The following USH2A variants were observed in gnomAD, a reference collection of about 807,000 sequenced individuals.
USH2A encodes the protein Usher syndrome 2A (autosomal recessive, mild).
Under a neutral mutation model 538.9 loss-of-function variants are expected in USH2A, and 443 were observed. The ratio of observed to expected loss-of-function variants is 0.82; its 90% CI spans 0.76 to 0.89. USH2A has a LOEUF of 0.89. Ranked by LOEUF, USH2A falls within the 40% of genes least tolerant of loss-of-function variation. The probability of loss-of-function intolerance (pLI) is 0.00; values close to 1 mark genes in which losing one functional copy is unlikely to be tolerated. For missense variants in USH2A, 6,633 were observed against 6,324.8 expected (o/e 1.05, Z -1.65); for synonymous variants, 2,413 against 2,273.5 (o/e 1.06, Z -1.75).
chr1:216,135,712 T>C (rs1321584667), intron 21 of USH2A, among the ~76,000 whole-genome samples: 2 of 152,146 alleles, frequency 1.3e-5, no homozygotes, highest in African/African-American at 2.4e-5. Flanking sequence ...TTGGTATGTA[T>C]TCAATGATGT....
chr1:215,823,685 T>C (rs536975184), intron 47 of USH2A, among the ~76,000 whole-genome samples: 1 of 152,046 alleles, frequency 6.6e-6, no homozygotes, highest in South Asian at 2.1e-4. Flanking sequence ...GATTTTGTCT[T>C]TTCAGGTAGT....
At chr1:215,964,156 C>T (rs1260324475) in intron 37 of USH2A, among the ~76,000 whole-genome samples, 7 of 152,226 alleles carry the variant, frequency 4.6e-5, no homozygotes, top group African/African-American at 1.7e-4. Flanking sequence ...GAATATGGCT[C>T]TTGCATTATT....
intron 3 of USH2A, among the ~76,000 whole-genome samples, chr1:216,392,991 G>C (rs2039136779): frequency 6.6e-6 from 1 of 152,022 alleles, no homozygotes; most frequent in Admixed American, 6.6e-5. Flanking sequence ...ACTATCTTCT[G>C]TAACCTCAAG....
intron 55 of USH2A, among the ~76,000 whole-genome samples, chr1:215,771,173 G>C (rs1661273365): frequency 6.6e-6 from 1 of 151,526 alleles, no homozygotes; most frequent in Non-Finnish European, 1.5e-5. Context: ...GCCAAGGTTG[G>C]AACTTGGGCA....
chr1:216,419,699 C>CA (rs2039643059), intron 2 of USH2A, among the ~76,000 whole-genome samples: 1 of 151,982 alleles, frequency 6.6e-6, no homozygotes, highest in African/African-American at 2.4e-5. Context: ...AGTAGTCTCT[C>CA]AAAAAATGAT....
At chr1:215,925,435 G>A (rs977167582) in intron 38 of USH2A, among the ~76,000 whole-genome samples, 1 of 152,256 alleles carries the variant, frequency 6.6e-6, no homozygotes, top group East Asian at 1.9e-4. Flanking sequence ...ATACACAGAA[G>A]TAAAACATTA....
At chr1:215,636,522 T>C in intron 69 of USH2A, among the ~76,000 whole-genome samples, 1 of 152,182 alleles carries the variant, frequency 6.6e-6, no homozygotes, top group Non-Finnish European at 1.5e-5. Context: ...CAAACCAGCC[T>C]AGGTTGCACA....
chr1:216,236,664 G>T (rs977538631), intron 13 of USH2A, among the ~76,000 whole-genome samples: 3 of 152,100 alleles, frequency 2.0e-5, no homozygotes, highest in African/African-American at 7.2e-5. Flanking sequence ...AGAGTGGTTG[G>T]TCAGAGTGGC....
intron 14 of USH2A, among the ~76,000 whole-genome samples, chr1:216,229,880 A>T (rs2035642309): frequency 6.6e-6 from 1 of 152,118 alleles, no homozygotes; most frequent in Non-Finnish European, 1.5e-5. Flanking sequence ...AGAATGGGGT[A>T]AAAGGCTCAG....
At chr1:215,829,278 A>G (rs948868448) in intron 47 of USH2A, among the ~76,000 whole-genome samples, 1 of 152,190 alleles carries the variant, frequency 6.6e-6, no homozygotes, top group Non-Finnish European at 1.5e-5. Context: ...ATATAAGAGG[A>G]AAAACATGCA....
chr1:215,924,634 G>A (rs936563722), intron 38 of USH2A, among the ~76,000 whole-genome samples: 1 of 149,664 alleles, frequency 6.7e-6, no homozygotes, highest in African/African-American at 2.5e-5. Flanking sequence ...TAAAGTTATG[G>A]ATAAAGCCGT....
chr1:215,857,954 C>T (rs2102431958), intron 44 of USH2A, among the ~76,000 whole-genome samples: 1 of 152,260 alleles, frequency 6.6e-6, no homozygotes, highest in South Asian at 2.1e-4. Flanking sequence ...CTGGTGTCCC[C>T]TTGGCCAAGT....
At chr1:215,982,829 TA>T (rs1667780799) in intron 35 of USH2A, among the ~76,000 whole-genome samples, 1 of 152,214 alleles carries the variant, frequency 6.6e-6, no homozygotes, top group South Asian at 2.1e-4. Flanking sequence ...GTTTACTTTT[TA>T]AAAATCAGAT....
intron 21 of USH2A, among the ~76,000 whole-genome samples, chr1:216,164,427 A>G (rs2034126736): frequency 6.6e-6 from 1 of 152,178 alleles, no homozygotes; most frequent in Admixed American, 6.6e-5. Context: ...TACAATAAAG[A>G]AGTGGAAGAA....
chr1:216,144,471 C>G (rs1237835461), intron 21 of USH2A, among the ~76,000 whole-genome samples: 1 of 151,596 alleles, frequency 6.6e-6, no homozygotes, highest in Non-Finnish European at 1.5e-5. Flanking sequence ...AAAATAAATG[C>G]ATATATTATT....
chr1:216,174,889 C>T (rs1558298146), intron 21 of USH2A: 1 of 1,090,018 alleles, frequency 9.2e-7, no homozygotes, highest in Non-Finnish European at 1.1e-6. Flanking sequence ...TACTGAGAAT[C>T]TCCAATAGCA....
intron 3 of USH2A, among the ~76,000 whole-genome samples, chr1:216,384,997 CTG>C (rs1305823445): frequency 1.3e-5 from 2 of 152,144 alleles, no homozygotes; most frequent in African/African-American, 4.8e-5. Context: ...CAGAGAAACA[CTG>C]TGAGTCAGAG....
At position 216,015,456 on chromosome 1, in the gene USH2A, C is replaced by T. The variant is rs555327892; in HGVS notation, c.6326-14894G>A. Among the ~76,000 whole-genome samples the T allele has an allele frequency of 2.2e-4, 34 of 152,306 alleles. No individual in the cohort carries two copies. In the South Asian group the frequency reaches 6.8e-3, roughly 31 times the overall value. ...GCTTTATTCAGCCTGAACATCCTTG[C>T]TCTCCTTTTCCTCATAGGAGCCTTA... is the stretch of plus-strand genomic sequence containing the variant. On this transcript the variant is annotated intron_variant, in intron 32 of 71. Coordinates refer to ENST00000307340, the MANE Select transcript of USH2A (RefSeq NM_206933.4).
At chr1:216,177,036 A>G (rs544886430) in intron 20 of USH2A, among the ~76,000 whole-genome samples, 1 of 152,262 alleles carries the variant, frequency 6.6e-6, no homozygotes, top group East Asian at 1.9e-4. Flanking sequence ...ACATCTAATT[A>G]TATATCAGGG....
Sources: gnomAD v4.1 joint callset for allele counts (sites outside exome capture counted in the v4.1 genomes callset) on GRCh38, gnomAD v4.1.1 for gene constraint, MANE v1.5 for transcripts, NCBI Gene and HGNC (gene_info 2026-07-23, HGNC 2026-07-21) for gene names.